Variants in CLUAP1 observed in about 807,000 individuals in gnomAD.
The protein encoded by CLUAP1 is intraflagellar transport 38, also known as clusterin-associated protein 1.
A neutral mutation model predicts 55.0 loss-of-function variants in CLUAP1; 50 were observed. That is an observed-to-expected ratio of 0.91 (90% CI 0.72 to 1.15). The LOEUF (loss-of-function observed/expected upper bound fraction) is 1.15, where lower values mean the gene tolerates loss of function less well. Among genes scored for constraint, CLUAP1 ranks in the 50% most tolerant of loss-of-function variants. CLUAP1 has a pLI of 0.00. For synonymous variants in CLUAP1, 195 were observed against 175.4 expected (o/e 1.11, Z -0.88); for missense variants, 530 against 507.6 (o/e 1.04, Z -0.42).
intron 1 of CLUAP1, among the ~76,000 whole-genome samples, chr16:3,503,415 G>C (rs968989592): frequency 5.3e-5 from 8 of 152,100 alleles, no homozygotes; most frequent in African/African-American, 1.9e-4. Flanking sequence ...CACTCGCCTC[G>C]GCCTCCCAGA....
intron 1 of CLUAP1, among the ~76,000 whole-genome samples, chr16:3,503,989 C>G (rs2037457015): frequency 6.6e-6 from 1 of 152,172 alleles, no homozygotes; most frequent in Non-Finnish European, 1.5e-5. Flanking sequence ...GAATGTAGAT[C>G]TTGGTACATA....
rs763133008 is a variant in CLUAP1, at chr16:3,509,113, AG to A, written c.399+646del. Among the ~76,000 whole-genome samples, 79 of 152,080 alleles carry A rather than the reference AG, an allele frequency of 5.2e-4. 1 individual carries two copies. Among genetic ancestry groups the A allele is most frequent in the Non-Finnish European group, 4.7e-4 (32 of 68,026 alleles). On this transcript the variant is annotated intron_variant, in intron 4 of 11. Transcript: ENST00000576634. ...TTTTACCAAAAAAAAGAAAAAAATT[AG>A]CTAGGCGTGGTGGTACACACCTGTG...
At chr16:3,527,488 A>G (rs2037968075) in intron 9 of CLUAP1, among the ~76,000 whole-genome samples, 1 of 152,088 alleles carries the variant, frequency 6.6e-6, no homozygotes, top group Non-Finnish European at 1.5e-5. Flanking sequence ...GTCTAGTGGT[A>G]GCGTCAGTGT....
rs780924173 is a variant in CLUAP1, at chr16:3,508,304, A to G, written c.235A>G (p.Ile79Val). 1.9e-5 allele frequency: 30 copies of G among 1,600,308 alleles called. No individual in the cohort carries two copies. Among genetic ancestry groups the G allele is most frequent in the African/African-American group, 2.7e-5 (2 of 73,872 alleles). Residue 79 changes from isoleucine (I) to valine (V), a missense_variant, in exon 4 of 12, where the codon ATA becomes GTA. By Grantham distance (29) the Ile-to-Val change is conservative (BLOSUM62 3). Transcript: ENST00000576634. The part of the protein sequence containing the change: ...IAQFMATKAH[I>V]KLNTKKLYQA... ...CTAAAAATAGGCCACCAAGGCACAT[A>G]TAAAACTCAACACTAAGAAGCTTTA...
rs781112186 is a variant in CLUAP1 at position 3,530,638 on chromosome 16, G to T, written c.999G>T (p.Leu333=). The change falls in exon 10 of 12, where the codon CTG becomes CTT. Residue 333 remains leucine, a synonymous_variant. Coordinates refer to ENST00000576634, the MANE Select transcript of CLUAP1 (RefSeq NM_015041.3). ...ACAGTGAGTTGGAAGAAAGGCGGCT[G>T]CCCAAGCCACAGACAGCCATGGAGA... The part of the protein sequence containing the change: ...ESDSELEERR[L]PKPQTAMEML... 1.9e-6 allele frequency: 3 copies of T among 1,613,394 alleles called. No individual in the cohort carries two copies. Among genetic ancestry groups the T allele is most frequent in the African/African-American group, 1.3e-5 (1 of 75,038 alleles).
At chr16:3,508,894 G>A (rs1189335789) in intron 4 of CLUAP1, among the ~76,000 whole-genome samples, 1 of 144,032 alleles carries the variant, frequency 6.9e-6, no homozygotes, top group Non-Finnish European at 1.5e-5. Context: ...GGTGTTTCCA[G>A]CAGAGATCCA....
chr16:3,518,160 G>A (rs116037519), intron 6 of CLUAP1, among the ~76,000 whole-genome samples: 161 of 152,238 alleles, frequency 1.1e-3, no homozygotes, highest in African/African-American at 3.0e-3. Context: ...TGGGAAAAAC[G>A]CTTTGTGTTG....
chr16:3,519,765 T>G, intron 6 of CLUAP1, 138 bp from the exon 7 acceptor site: 1 of 769,078 alleles, frequency 1.3e-6, no homozygotes, highest in East Asian at 2.8e-5. Context: ...GAGTCATTGC[T>G]TGGGGAAGTG....
chr16:3,505,597 G>A (rs1208208464), intron 2 of CLUAP1, among the ~76,000 whole-genome samples: 3 of 151,862 alleles, frequency 2.0e-5, no homozygotes, highest in Non-Finnish European at 2.9e-5. Context: ...AATGCTGTGG[G>A]AGTGGGAAAT....
intron 9 of CLUAP1, among the ~76,000 whole-genome samples, chr16:3,529,710 A>T (rs1476839496): frequency 6.7e-5 from 2 of 29,700 alleles, no homozygotes; most frequent in Non-Finnish European, 1.0e-4. Flanking sequence ...ATTATATATT[A>T]TATAATATTA....
chr16:3,519,587 G>A (rs17136453), intron 6 of CLUAP1, among the ~76,000 whole-genome samples: 2,634 of 152,260 alleles, frequency 0.017, 93 homozygotes, highest in African/African-American at 0.06. Context: ...TGTTCTAACC[G>A]AGTGAGCCAG....
At chr16:3,532,982 G>T (rs931292722) in intron 11 of CLUAP1, 141 bp downstream of exon 11, 2 of 1,325,258 alleles carry the variant, frequency 1.5e-6, no homozygotes, top group African/African-American at 2.9e-5. Context: ...GCAGGGTTTG[G>T]CCTCATGAGG....
intron 2 of CLUAP1, among the ~76,000 whole-genome samples, chr16:3,505,488 A>G (rs1331790109): frequency 2.0e-5 from 3 of 149,022 alleles, no homozygotes; most frequent in African/African-American, 7.5e-5. Context: ...CGAAGTGTGC[A>G]GTGAGCCGAG....
At chr16:3,501,779 AAAAAC>A (rs765566750) in intron 1 of CLUAP1, among the ~76,000 whole-genome samples, 4 of 152,014 alleles carry the variant, frequency 2.6e-5, no homozygotes, top group Non-Finnish European at 4.4e-5. Flanking sequence ...TCAAAAAACA[AAAAAC>A]AAACCAAAAA....
intron 6 of CLUAP1, among the ~76,000 whole-genome samples, chr16:3,519,589 G>A (rs763331110): frequency 2.0e-5 from 3 of 152,194 alleles, no homozygotes; most frequent in Non-Finnish European, 2.9e-5. Flanking sequence ...TTCTAACCGA[G>A]TGAGCCAGAG....
At position 3,504,741 on chromosome 16, in the gene CLUAP1, C is replaced by T. The variant is rs1237244334; in HGVS notation, c.44C>T (p.Ala15Val). The change falls in exon 2 of 12, where the codon GCC (alanine) becomes GTC (valine). Residue 15 changes from alanine to valine, a missense_variant. By Grantham distance (64) the Ala-to-Val change is moderately conservative. Coordinates refer to ENST00000576634, the MANE Select transcript of CLUAP1 (RefSeq NM_015041.3). ...DLRNFTEMMR[A>V]LGYPRHISME... ...ACAGATTTCACAGAGATGATGAGAG[C>T]CCTGGGATACCCTCGACATATTTCT... 2.5e-6 allele frequency: 4 copies of T among 1,608,492 alleles called. No homozygotes were observed. In the African/African-American group the frequency reaches 4.0e-5, roughly 16 times the overall value.
At chr16:3,513,461 A>AT (rs1374385839) in intron 5 of CLUAP1, among the ~76,000 whole-genome samples, 4 of 151,166 alleles carry the variant, frequency 2.6e-5, no homozygotes, top group Admixed American at 6.6e-5. Context: ...TAATTTTGTT[A>AT]TTTTTTTTGA....
At chr16:3,503,424 G>C (rs921636242) in intron 1 of CLUAP1, among the ~76,000 whole-genome samples, 1 of 152,054 alleles carries the variant, frequency 6.6e-6, no homozygotes, top group Non-Finnish European at 1.5e-5. Flanking sequence ...CGGCCTCCCA[G>C]AGTGCTGGGA....
chr16:3,536,189 A>G lies in CLUAP1; in HGVS notation c.1160A>G (p.Glu387Gly), dbSNP rs2151074356. ...GACGAGGATGACGATTTGGAAGACGAGAGCATTTCTCTCTCACCAACCAAG... is the reference window on the plus strand; with the variant it reads ...GACGAGGATGACGATTTGGAAGACGGGAGCATTTCTCTCTCACCAACCAAG... ...DDDEDDDLEDESISLSPTKPN... is the reference protein window; with the variant it reads ...DDDEDDDLEDGSISLSPTKPN... The change falls in exon 12 of 12, where the codon GAG (glutamate) becomes GGG (glycine). Residue 387 changes from glutamate to glycine, a missense_variant. By Grantham distance (98) the Glu-to-Gly change is moderately conservative. Transcript: ENST00000576634. 6.2e-7 allele frequency: 1 copy of G among 1,614,188 alleles called. No homozygotes were observed. Among genetic ancestry groups the G allele is most frequent in the Non-Finnish European group, 8.5e-7 (1 of 1,180,028 alleles).
Sources: allele counts gnomAD v4.1 joint callset (sites outside exome capture counted in the v4.1 genomes callset), GRCh38; gene constraint gnomAD v4.1.1; transcripts MANE v1.5; gene names NCBI Gene and HGNC (gene_info 2026-07-23, HGNC 2026-07-21).